BLOC1S3: variants seen among roughly 807,000 people sequenced by gnomAD.
BLOC1S3 encodes biogenesis of lysosome-related organelles complex 1 subunit 3.
In BLOC1S3, 7 loss-of-function variants were observed where a neutral mutation model predicts 9.1. The ratio of observed to expected loss-of-function variants is 0.77; its 90% CI spans 0.44 to 1.45. The LOEUF (loss-of-function observed/expected upper bound fraction) is 1.45, where lower values mean the gene tolerates loss of function less well. Ranked by LOEUF, BLOC1S3 falls within the 40% of genes most tolerant of loss-of-function variation. The probability of loss-of-function intolerance (pLI) is 0.01; values close to 1 mark genes in which losing one functional copy is unlikely to be tolerated. For synonymous variants in BLOC1S3, 145 were observed against 158.4 expected, an observed-to-expected ratio of 0.92 and a Z score of 0.64; for missense variants, 307 against 315.2, an observed-to-expected ratio of 0.97 and a Z score of 0.20.
intron 2 of BLOC1S3, among the ~76,000 whole-genome samples, chr19:45,195,585 C>T (rs1490897231): frequency 2.1e-5 from 3 of 141,756 alleles, no homozygotes; most frequent in South Asian, 4.6e-4. Context: ...CTCCCTCCCT[C>T]TCTCCCTTCC....
chr19:45,200,476 C>T (rs1204972328), intron 2 of BLOC1S3, among the ~76,000 whole-genome samples: 1 of 152,172 alleles, frequency 6.6e-6, no homozygotes, highest in East Asian at 1.9e-4. Context: ...GACACCGTGC[C>T]CAGCCCCTTT....
intron 3 of BLOC1S3, chr19:45,212,583 T>A: frequency 6.7e-6 from 1 of 149,290 alleles, no homozygotes; most frequent in Non-Finnish European, 1.5e-5. Flanking sequence ...CTCTTTGGCC[T>A]CTGTTTCCCC....
intron 2 of BLOC1S3, chr19:45,198,778 A>C (rs542410784): frequency 1.3e-5 from 2 of 149,620 alleles, no homozygotes; most frequent in African/African-American, 2.5e-5. Context: ...TGCAACCTGC[A>C]CCTCCCAGGT....
chr19:45,214,338 C>G (rs1969810867), intron 3 of BLOC1S3, among the ~76,000 whole-genome samples: 1 of 152,172 alleles, frequency 6.6e-6, no homozygotes. Flanking sequence ...GAGAATGTGT[C>G]TGCCCAAATA....
At chr19:45,191,289 A>G (rs1407170930) in intron 2 of BLOC1S3, among the ~76,000 whole-genome samples, 1 of 149,470 alleles carries the variant, frequency 6.7e-6, no homozygotes, top group Non-Finnish European at 1.5e-5. Context: ...CGCCCAGCTA[A>G]TTTTGTATTT....
intron 2 of BLOC1S3, among the ~76,000 whole-genome samples, chr19:45,194,189 T>C (rs2122912868): frequency 7.2e-6 from 1 of 138,244 alleles, no homozygotes; most frequent in East Asian, 2.4e-4. Flanking sequence ...CTCAGCTCAC[T>C]GCAACCTCTG....
At chr19:45,214,847 T>C (rs1969816723) in intron 3 of BLOC1S3, among the ~76,000 whole-genome samples, 1 of 152,036 alleles carries the variant, frequency 6.6e-6, no homozygotes, top group South Asian at 2.1e-4. Context: ...GATATTTCAA[T>C]AGCTTTAATT....
chr19:45,199,761 CTCTCT>C (rs933977403), intron 2 of BLOC1S3, among the ~76,000 whole-genome samples: 3 of 151,270 alleles, frequency 2.0e-5, no homozygotes, highest in South Asian at 2.1e-4. Context: ...CTCTCCTCTC[CTCTCT>C]TCTCTTCTCT....
chr19:45,197,833 A>AAG (rs1969661009), intron 2 of BLOC1S3, among the ~76,000 whole-genome samples: 1 of 151,212 alleles, frequency 6.6e-6, no homozygotes, highest in Non-Finnish European at 1.5e-5. Flanking sequence ...TCAAAAAAAA[A>AAG]AAAAAAAAAA....
chr19:45,182,087 T>C (rs1458398031), downstream of BLOC1S3, among the ~76,000 whole-genome samples: 4 of 152,246 alleles, frequency 2.6e-5, no homozygotes, highest in Non-Finnish European at 5.9e-5. Flanking sequence ...AATAAGATGT[T>C]CTCATAGATA....
chr19:45,207,753 T>A (rs1394261802), intron 3 of BLOC1S3, among the ~76,000 whole-genome samples: 1 of 151,526 alleles, frequency 6.6e-6, no homozygotes, highest in African/African-American at 2.4e-5. Context: ...TTAAAAAAAA[T>A]TTTTGCCTAG....
Position 45,179,600 on chromosome 19 carries a change from C to A in BLOC1S3, c.304C>A (p.Pro102Thr). The A allele has an allele frequency of 6.8e-7, 1 of 1,475,326 alleles. No homozygotes were observed. Among genetic ancestry groups the A allele is most frequent in the Non-Finnish European group, 8.9e-7 (1 of 1,119,876 alleles). 91.4% of individuals were successfully genotyped at this position (1,475,326 alleles called of 1,614,324 possible). Residue 102 changes from proline to threonine, a missense_variant, in exon 2 of 2, where the codon CCC (proline) becomes ACC (threonine). Physicochemically the swap from Pro to Thr is conservative, Grantham distance 38. Transcript: ENST00000433642. The surrounding 1 kb of genome is among the most constrained non-coding windows in gnomAD (Gnocchi z 4.6). The stretch of plus-strand genomic sequence containing the variant: ...CTGGGGCACGGAGGAGGCCCCGGCG[C>A]CCGCCCCCGCGCGCTCGCTCCTGCA... Reference protein sequence around the residue: ...EAWGTEEAPAPAPARSLLQLR... With the variant: ...EAWGTEEAPATAPARSLLQLR...
chr19:45,184,610 T>TA (rs940283436), downstream of BLOC1S3, among the ~76,000 whole-genome samples: 15 of 151,506 alleles, frequency 9.9e-5, no homozygotes, highest in African/African-American at 3.4e-4. Context: ...TGTCTCAAAA[T>TA]AAAAAAGGGG....
At chr19:45,193,746 C>T (rs2122911306) in intron 2 of BLOC1S3, among the ~76,000 whole-genome samples, 1 of 145,392 alleles carries the variant, frequency 6.9e-6, no homozygotes, top group South Asian at 2.2e-4. Flanking sequence ...AATGTGTATT[C>T]CTTTTGCTGT....
At chr19:45,196,810 AG>A (rs1477536399) in intron 2 of BLOC1S3, among the ~76,000 whole-genome samples, 1 of 151,902 alleles carries the variant, frequency 6.6e-6, no homozygotes, top group African/African-American at 2.4e-5. Flanking sequence ...CTGAGGCAGG[AG>A]AATGGCGTGA....
chr19:45,206,452 T>TTTTTG lies in BLOC1S3; in HGVS notation n.282+3949_282+3950insGTTTT, dbSNP rs1969727101. Among the ~76,000 whole-genome samples the TTTTTG allele has an allele frequency of 1.8e-5, 2 of 110,892 alleles. 1 individual carries two copies. The highest frequency in any genetic ancestry group is 3.6e-5 in the Non-Finnish European group (2 of 56,194). 72.7% of individuals were successfully genotyped at this position (110,892 alleles called of 152,430 possible). On this transcript the variant is annotated intron_variant and non_coding_transcript_variant, in intron 3 of 3. Coordinates refer to the BLOC1S3 transcript ENST00000591569. The stretch of plus-strand genomic sequence containing the variant: ...CCACCTTCTTTTGGATTAATCAAGT[T>TTTTTG]TTTTTTTTTTTTTTTTTTTTTGAGC...
At chr19:45,206,453 T>TTTTTTTTTTTTTTTTTC (rs1025082708) in intron 3 of BLOC1S3, among the ~76,000 whole-genome samples, 1 of 112,804 alleles carries the variant, frequency 8.9e-6, no homozygotes, top group Non-Finnish European at 1.8e-5. Flanking sequence ...TAATCAAGTT[T>TTTTTTTTTTTTTTTTTC]TTTTTTTTTT....
At chr19:45,190,951 A>G (rs1366179937) in intron 2 of BLOC1S3, among the ~76,000 whole-genome samples, 2 of 149,498 alleles carry the variant, frequency 1.3e-5, no homozygotes, top group African/African-American at 2.4e-5. Context: ...GACCACAGGC[A>G]CCCGACACCA....
At chr19:45,209,327 G>A (rs563814816) in intron 3 of BLOC1S3, among the ~76,000 whole-genome samples, 11 of 152,240 alleles carry the variant, frequency 7.2e-5, no homozygotes, top group South Asian at 6.2e-4. Context: ...GGGATTACAC[G>A]CATAAGCCAC....
Sources: allele counts gnomAD v4.1 joint callset (sites outside exome capture counted in the v4.1 genomes callset), GRCh38; gene constraint gnomAD v4.1.1; non-coding constraint Gnocchi (gnomAD v3.1); transcripts MANE v1.5; gene names NCBI Gene and HGNC (gene_info 2026-07-23, HGNC 2026-07-21).